Variants in MIPOL1 observed in about 807,000 individuals in gnomAD.
MIPOL1 encodes mirror-image polydactyly 1, also known as mirror-image polydactyly gene 1 protein.
MIPOL1 carries 57 observed loss-of-function variants against 60.9 expected under a neutral mutation model. The ratio of observed to expected loss-of-function variants is 0.94; its 90% CI spans 0.76 to 1.17. The LOEUF (loss-of-function observed/expected upper bound fraction) is 1.17. Ranked by LOEUF, MIPOL1 falls within the 50% of genes most tolerant of loss-of-function variation. The pLI, the probability that MIPOL1 is intolerant of heterozygous loss-of-function variation, is 0.00. For missense variants in MIPOL1, 551 were observed against 511.6 expected, an observed-to-expected ratio of 1.08 and a Z score of -0.74; for synonymous variants, 179 against 168.8, an observed-to-expected ratio of 1.06 and a Z score of -0.47.
Position 37,308,521 on chromosome 14 carries a change from T to A in MIPOL1, c.828+2T>A. 6.4e-7 allele frequency: 1 copy of A among 1,561,398 alleles called. No homozygotes were observed. Among genetic ancestry groups the A allele is most frequent in the Non-Finnish European group, 8.6e-7 (1 of 1,158,974 alleles). On this transcript the variant is annotated splice_donor_variant, in intron 9 of 12. Coordinates refer to ENST00000684589, the MANE Select transcript of MIPOL1 (RefSeq NM_001388067.1). LOFTEE classifies it high-confidence loss of function. ...GAACGGGATGCTGCCTTGTCTAAGG[T>A]AACTCTGCATATATCTGTAAAAGCA...
chr14:37,361,147 C>T (rs111657297), intron 9 of MIPOL1, among the ~76,000 whole-genome samples: 1 of 152,138 alleles, frequency 6.6e-6, no homozygotes, highest in South Asian at 2.1e-4. Flanking sequence ...TTTCTTAATC[C>T]TGAGTTCTAA....
At chr14:37,426,641 TTA>T (rs1946614247) in intron 11 of MIPOL1, among the ~76,000 whole-genome samples, 1 of 142,772 alleles carries the variant, frequency 7.0e-6, no homozygotes, top group African/African-American at 2.6e-5. Flanking sequence ...TATATATATA[TTA>T]TATATGTGTA....
intron 12 of MIPOL1, among the ~76,000 whole-genome samples, chr14:37,539,209 A>G (rs1433809767): frequency 1.3e-5 from 2 of 152,198 alleles, no homozygotes; most frequent in Non-Finnish European, 2.9e-5. Flanking sequence ...CTCAAAAAAA[A>G]TAAAATAAAA....
In MIPOL1 at chr14:37,283,726, A is replaced by T. The variant is rs553684481; in HGVS notation, c.494-1592A>T. On this transcript the variant is annotated intron_variant, in intron 6 of 12. Coordinates refer to ENST00000684589, the MANE Select transcript of MIPOL1 (RefSeq NM_001388067.1). ...GGCCAAGAGCTTTCATATATTTTCT[A>T]ATTTAATTTTTCATAACATCATGAA... Among the ~76,000 whole-genome samples, 6 of 152,218 alleles carry T rather than the reference A, an allele frequency of 3.9e-5. No homozygotes were observed. In the South Asian group the frequency reaches 6.2e-4, roughly 16 times the overall value.
Position 37,369,581 on chromosome 14 carries a change from T to C in MIPOL1, c.893T>C (p.Met298Thr). The C allele has an allele frequency of 6.2e-7, 1 of 1,612,690 alleles. No individual in the cohort carries two copies. The highest frequency in any genetic ancestry group is 1.1e-5 in the South Asian group (1 of 91,062). Residue 298 changes from methionine (M) to threonine (T), a missense_variant, in exon 10 of 13, where the codon ATG becomes ACG. Coordinates refer to ENST00000684589, the MANE Select transcript of MIPOL1 (RefSeq NM_001388067.1). ...CAGAACCAGACTTCAGCAAACAACATGAGACATCTGACTGCTGAAAACAAT... is the reference window on the plus strand; with the variant it reads ...CAGAACCAGACTTCAGCAAACAACACGAGACATCTGACTGCTGAAAACAAT... ...KEQNQTSANN[M>T]RHLTAENNQE...
intron 9 of MIPOL1, among the ~76,000 whole-genome samples, chr14:37,361,502 C>G (rs917843744): frequency 6.6e-6 from 1 of 151,200 alleles, no homozygotes; most frequent in East Asian, 2.0e-4. Flanking sequence ...CTTTATGAAT[C>G]TGGGTGTTCC....
intron 10 of MIPOL1, among the ~76,000 whole-genome samples, chr14:37,395,961 G>A (rs1712847204): frequency 6.6e-6 from 1 of 152,114 alleles, no homozygotes; most frequent in Admixed American, 6.6e-5. Context: ...TATTCATTCT[G>A]TGGTTCTGTG....
rs541268728 is a variant in MIPOL1, at chr14:37,361,392, TC to T, written c.829-8124del. ...TATCCTTCTCTCTCTTGGTTAACCT[TC>T]TCTCTCATTGATCAGTCTAATATTG... On this transcript the variant is annotated intron_variant, in intron 9 of 12. Coordinates refer to ENST00000684589, the MANE Select transcript of MIPOL1 (RefSeq NM_001388067.1). Among the ~76,000 whole-genome samples, 19 of 152,164 alleles carry T rather than the reference TC, an allele frequency of 1.2e-4. No individual in the cohort carries two copies. The East Asian group carries it at 3.7e-3, about 29-fold the overall frequency.
At chr14:37,479,178 A>T (rs2094823234) in intron 11 of MIPOL1, among the ~76,000 whole-genome samples, 1 of 152,160 alleles carries the variant, frequency 6.6e-6, no homozygotes, top group South Asian at 2.1e-4. Flanking sequence ...GACATGAACA[A>T]CACTTTAGCC....
chr14:37,248,045 A>G, intron 3 of MIPOL1, 138 bp downstream of exon 3: 2 of 707,296 alleles, frequency 2.8e-6, no homozygotes, highest in Non-Finnish European at 4.7e-6. Flanking sequence ...ACATGCACAC[A>G]GAGACCCAGG....
At chr14:37,466,518 G>T (rs1463077829) in intron 11 of MIPOL1, among the ~76,000 whole-genome samples, 1 of 152,100 alleles carries the variant, frequency 6.6e-6, no homozygotes, top group Non-Finnish European at 1.5e-5. Context: ...CCAAGACTTG[G>T]CTTTGGACAG....
At chr14:37,387,982 TA>T (rs550507326) in intron 10 of MIPOL1, among the ~76,000 whole-genome samples, 127 of 152,020 alleles carry the variant, frequency 8.4e-4, no homozygotes, top group African/African-American at 3.0e-3. Flanking sequence ...AGATGTGACT[TA>T]AAACGATGCA....
chr14:37,402,368 A>G (rs1364950192), intron 10 of MIPOL1, among the ~76,000 whole-genome samples: 1 of 152,160 alleles, frequency 6.6e-6, no homozygotes, highest in Non-Finnish European at 1.5e-5. Flanking sequence ...TTAGATCAGT[A>G]CTATAATAGA....
intron 3 of MIPOL1, among the ~76,000 whole-genome samples, chr14:37,254,549 C>G (rs1974612677): frequency 6.6e-6 from 1 of 151,764 alleles, no homozygotes; most frequent in African/African-American, 2.4e-5. Flanking sequence ...TCCCTACCCC[C>G]ACAAACACCC....
intron 7 of MIPOL1, among the ~76,000 whole-genome samples, chr14:37,295,669 A>G (rs2153422485): frequency 6.6e-6 from 1 of 152,326 alleles, no homozygotes; most frequent in East Asian, 1.9e-4. Context: ...CTTTGATAAA[A>G]CAGACTTTAA....
At chr14:37,381,387 A>G (rs1266294036) in intron 10 of MIPOL1, among the ~76,000 whole-genome samples, 1 of 152,080 alleles carries the variant, frequency 6.6e-6, no homozygotes, top group African/African-American at 2.4e-5. Flanking sequence ...ACAATGGCCA[A>G]AAGGGTGTAG....
intron 11 of MIPOL1, among the ~76,000 whole-genome samples, chr14:37,429,537 A>AT (rs910152158): frequency 6.6e-6 from 1 of 152,052 alleles, no homozygotes; most frequent in Non-Finnish European, 1.5e-5. Context: ...TTGAACTAGT[A>AT]TTTTTTGATA....
intron 12 of MIPOL1, among the ~76,000 whole-genome samples, chr14:37,510,231 T>C (rs2095316987): frequency 6.6e-6 from 1 of 151,936 alleles, no homozygotes; most frequent in Admixed American, 6.6e-5. Flanking sequence ...TGTGTGTATA[T>C]ATATAGTTTT....
chr14:37,362,560 C>T (rs2092311778), intron 9 of MIPOL1, among the ~76,000 whole-genome samples: 1 of 152,130 alleles, frequency 6.6e-6, no homozygotes, highest in Admixed American at 6.6e-5. Flanking sequence ...TTATTTCAAC[C>T]TTGGTGAATC....
Sources: gnomAD v4.1 joint callset for allele counts (sites outside exome capture counted in the v4.1 genomes callset) on GRCh38, gnomAD v4.1.1 for gene constraint, MANE v1.5 for transcripts, NCBI Gene and HGNC (gene_info 2026-07-23, HGNC 2026-07-21) for gene names.